The following PTPRD variants were observed in gnomAD, a reference collection of about 807,000 sequenced individuals.
The protein encoded by PTPRD is protein tyrosine phosphatase receptor type D.
PTPRD carries 34 observed loss-of-function variants against 214.5 expected under a neutral mutation model. That is an observed-to-expected ratio of 0.16 (90% CI 0.12 to 0.21). The LOEUF (loss-of-function observed/expected upper bound fraction) is 0.21. Among genes scored for constraint, PTPRD ranks in the 10% least tolerant of loss-of-function variants. The pLI, the probability that PTPRD is intolerant of heterozygous loss-of-function variation, is 1.00. For synonymous variants in PTPRD, 1,128 were observed against 845.7 expected (o/e 1.33, Z -5.79); for missense variants, 2,545 against 2,398.7 (o/e 1.06, Z -1.27).
chr9:8,888,325 A>G (rs2098508882), intron 11 of PTPRD, among the ~76,000 whole-genome samples: 1 of 152,202 alleles, frequency 6.6e-6, no homozygotes, highest in African/African-American at 2.4e-5. Context: ...GTGCTTTTAC[A>G]TTTATTATAT....
intron 8 of PTPRD, among the ~76,000 whole-genome samples, chr9:9,495,753 G>A (rs931570334): frequency 1.3e-5 from 2 of 152,250 alleles, no homozygotes; most frequent in African/African-American, 2.4e-5. Flanking sequence ...CTGGACAAGA[G>A]CTCAGGACCC....
rs201583307 is a variant in PTPRD at position 9,474,341 on chromosome 9, GTA to G, written c.-236-76861_-236-76860del. 6.4e-3 allele frequency among the ~76,000 whole-genome samples: 974 copies of G among 151,990 alleles called. 4 individuals are homozygous for G. The highest frequency in any genetic ancestry group is 0.023 in the African/African-American group (942 of 41,468). On this transcript the variant is annotated intron_variant, in intron 8 of 45. Coordinates refer to ENST00000381196, the MANE Select transcript of PTPRD (RefSeq NM_002839.4). ...TCTGTTTTTATACCAATATCATGCC[GTA>G]TTGATTATGATAGCTTTATAGTACA...
chr9:8,576,636 A>AAAAG, intron 14 of PTPRD, among the ~76,000 whole-genome samples: 1 of 148,808 alleles, frequency 6.7e-6, no homozygotes, highest in East Asian at 1.9e-4. Context: ...TGCAGCAAAA[A>AAAAG]AAAAAAAAAA....
At chr9:10,115,823 C>A (rs367654997) in intron 3 of PTPRD, among the ~76,000 whole-genome samples, 1 of 151,914 alleles carries the variant, frequency 6.6e-6, no homozygotes. Flanking sequence ...AAATATAGGA[C>A]AATAAATCTA....
Position 8,486,061 on chromosome 9 carries a change from G to T in PTPRD, c.2756C>A (p.Thr919Asn), listed in dbSNP as rs73426355. ...TGAGTGAAGGTTTTGAGGGAATCCAGTTGGTACTTCTTCTGGAATGGAAAT... is the reference window on the plus strand; with the variant it reads ...TGAGTGAAGGTTTTGAGGGAATCCATTTGGTACTTCTTCTGGAATGGAAAT... ...KEISIPEEVP[T>N]GFPQNLHSEG... is the part of the protein sequence containing the mutation. Residue 919 changes from threonine (T) to asparagine (N), a missense_variant, in exon 28 of 46, where the codon ACT becomes AAT. Coordinates refer to ENST00000381196, the MANE Select transcript of PTPRD (RefSeq NM_002839.4). 574 of 1,614,224 alleles carry T rather than the reference G, an allele frequency of 3.6e-4. 4 individuals are homozygous for T. In the African/African-American group the frequency reaches 7.2e-3, roughly 20 times the overall value.
At chr9:10,240,959 A>T (rs1449920262) in intron 3 of PTPRD, among the ~76,000 whole-genome samples, 1 of 151,790 alleles carries the variant, frequency 6.6e-6, no homozygotes, top group Non-Finnish European at 1.5e-5. Context: ...TTTGTAAAAC[A>T]CATACAACAA....
intron 12 of PTPRD, among the ~76,000 whole-genome samples, chr9:8,653,715 G>C (rs2096856908): frequency 6.6e-6 from 1 of 152,076 alleles, no homozygotes; most frequent in Admixed American, 6.6e-5. Context: ...TCACCTCCAA[G>C]AGATCGATGC....
intron 30 of PTPRD, among the ~76,000 whole-genome samples, chr9:8,473,961 T>C (rs2135176453): frequency 6.6e-6 from 1 of 152,308 alleles, no homozygotes; most frequent in East Asian, 1.9e-4. Flanking sequence ...AATCCACACA[T>C]TTCAACTGTG....
chr9:9,935,306 GATT>G (rs1207357943), intron 5 of PTPRD, among the ~76,000 whole-genome samples: 1 of 152,140 alleles, frequency 6.6e-6, no homozygotes, highest in Non-Finnish European at 1.5e-5. Flanking sequence ...CAGAAGACAT[GATT>G]GTATATCTAG....
intron 10 of PTPRD, among the ~76,000 whole-genome samples, chr9:9,130,319 TA>T (rs1483334730): frequency 7.9e-5 from 12 of 152,300 alleles, no homozygotes; most frequent in South Asian, 4.1e-4. Flanking sequence ...CTATTTATAA[TA>T]AAACATCAAA....
intron 5 of PTPRD, among the ~76,000 whole-genome samples, chr9:9,929,709 G>A (rs993107645): frequency 1.3e-5 from 2 of 152,172 alleles, no homozygotes; most frequent in African/African-American, 4.8e-5. Context: ...CACTTTTAAA[G>A]AGGTTTCTGA....
chr9:9,329,006 G>A (rs777713562), intron 9 of PTPRD, among the ~76,000 whole-genome samples: 2 of 152,028 alleles, frequency 1.3e-5, no homozygotes, highest in Middle Eastern at 6.8e-3. Flanking sequence ...GACACTATGA[G>A]GAGAACACTT....
chr9:9,774,166 G>A (rs967445175), intron 5 of PTPRD, among the ~76,000 whole-genome samples: 1 of 152,156 alleles, frequency 6.6e-6, no homozygotes, highest in Non-Finnish European at 1.5e-5. Flanking sequence ...GTGCCCCGCA[G>A]CTAGAAATGA....
intron 7 of PTPRD, among the ~76,000 whole-genome samples, chr9:9,628,205 G>C (rs941064572): frequency 6.6e-6 from 1 of 152,108 alleles, no homozygotes; most frequent in Non-Finnish European, 1.5e-5. Flanking sequence ...TGTGGCCCCA[G>C]TTTGGTCTCT....
At chr9:10,135,846 C>T (rs969195040) in intron 3 of PTPRD, among the ~76,000 whole-genome samples, 3 of 151,632 alleles carry the variant, frequency 2.0e-5, no homozygotes, top group Non-Finnish European at 2.9e-5. Context: ...AACCAGCTAA[C>T]ACCACAATGA....
intron 26 of PTPRD, among the ~76,000 whole-genome samples, chr9:8,496,203 C>T (rs549574672): frequency 7.8e-6 from 1 of 128,674 alleles, no homozygotes; most frequent in South Asian, 2.6e-4. Flanking sequence ...CACACACACA[C>T]ACACACAAAC....
At chr9:10,313,434 C>T (rs561280516) in intron 3 of PTPRD, among the ~76,000 whole-genome samples, 9 of 110,026 alleles carry the variant, frequency 8.2e-5, no homozygotes, top group Admixed American at 2.9e-4. Flanking sequence ...TTAAAAAGTC[C>T]CTAATACTCC....
At chr9:8,559,854 G>C (rs1262879972) in intron 14 of PTPRD, among the ~76,000 whole-genome samples, 2 of 152,216 alleles carry the variant, frequency 1.3e-5, no homozygotes, top group Non-Finnish European at 2.9e-5. Flanking sequence ...AATGTACATG[G>C]ATAGCTTCCA....
At chr9:10,238,768 G>C (rs915176755) in intron 3 of PTPRD, among the ~76,000 whole-genome samples, 1 of 151,872 alleles carries the variant, frequency 6.6e-6, no homozygotes, top group Non-Finnish European at 1.5e-5. Context: ...TTAATTATGA[G>C]TTTTGAAGAA....
Sources: allele counts gnomAD v4.1 joint callset (sites outside exome capture counted in the v4.1 genomes callset), GRCh38; gene constraint gnomAD v4.1.1; transcripts MANE v1.5; gene names NCBI Gene and HGNC (gene_info 2026-07-23, HGNC 2026-07-21).